CFAP52: variants seen among roughly 807,000 people sequenced by gnomAD.
CFAP52 encodes the protein cilia and flagella associated protein 52, also known as cilia- and flagella-associated protein 52.
A neutral mutation model predicts 70.5 loss-of-function variants in CFAP52; 57 were observed. The ratio of observed to expected loss-of-function variants is 0.81; its 90% confidence interval spans 0.65 to 1.01. The LOEUF is 1.01. CFAP52 is among the 50% of genes least tolerant of loss of function. The pLI is 0.00. For missense variants in CFAP52, 785 were observed against 788.5 expected (o/e 1.00, Z 0.05); for synonymous variants, 267 against 292.5 (o/e 0.91, Z 0.89).
At chr17:9,637,843 T>C (rs1377525154) in intron 11 of CFAP52, among the ~76,000 whole-genome samples, 1 of 152,238 alleles carries the variant, frequency 6.6e-6, no homozygotes, top group Non-Finnish European at 1.5e-5. Flanking sequence ...CCACAAGTGC[T>C]GGGATTGTAG....
chr17:9,611,852 A>G (rs1339580643), intron 7 of CFAP52, among the ~76,000 whole-genome samples: 1 of 152,216 alleles, frequency 6.6e-6, no homozygotes, highest in Non-Finnish European at 1.5e-5. Context: ...TCATTTAACT[A>G]TTCCATTACA....
intron 11 of CFAP52, 54 bp downstream of exon 11, chr17:9,635,610 C>A (rs994943151): frequency 5.0e-5 from 81 of 1,607,420 alleles, no homozygotes; most frequent in Non-Finnish European, 4.3e-5. Context: ...CCAATCATGC[C>A]AACAGTTTAT....
intron 8 of CFAP52, among the ~76,000 whole-genome samples, chr17:9,613,108 CCAT>C (rs1475277270): frequency 6.6e-6 from 1 of 151,822 alleles, no homozygotes; most frequent in Non-Finnish European, 1.5e-5. Flanking sequence ...GCATATAGCC[CCAT>C]CTTAAGACAC....
chr17:9,608,266 AC>A, intron 7 of CFAP52, 47 bp downstream of exon 7: 1 of 1,409,978 alleles, frequency 7.1e-7, no homozygotes, highest in Non-Finnish European at 9.5e-7. Context: ...GACCCACTAA[AC>A]GGAGATTTGC....
chr17:9,638,014 T>C (rs1252377311), intron 11 of CFAP52, among the ~76,000 whole-genome samples: 1 of 152,232 alleles, frequency 6.6e-6, no homozygotes, highest in African/African-American at 2.4e-5. Context: ...AGACAAGGGT[T>C]GAGCCTGCCA....
chr17:9,601,047 T>C (rs1430117990), intron 6 of CFAP52, among the ~76,000 whole-genome samples: 2 of 151,754 alleles, frequency 1.3e-5, no homozygotes, highest in Admixed American at 1.3e-4. Flanking sequence ...ATTAAGAAAA[T>C]GTGGCACATA....
At chr17:9,639,071 A>C (rs1374114342) in intron 12 of CFAP52, 1 of 211,810 alleles carries the variant, frequency 4.7e-6, no homozygotes. Context: ...ACTTTGACTA[A>C]ATTCAGACAG....
intron 7 of CFAP52, 83 bp downstream of exon 7, chr17:9,608,302 C>T (rs961689618): frequency 2.5e-5 from 28 of 1,129,276 alleles, no homozygotes; most frequent in African/African-American, 9.4e-5. Flanking sequence ...TCGATGATAT[C>T]GGCAAAGTGA....
At chr17:9,638,497 A>G (rs1597798074) in intron 11 of CFAP52, 112 bp from the exon 12 acceptor site, 3 of 895,018 alleles carry the variant, frequency 3.4e-6, no homozygotes, top group Admixed American at 4.2e-5. Context: ...GATGTTTGGC[A>G]TGGAGATAAA....
intron 5 of CFAP52, 129 bp downstream of exon 5, chr17:9,598,462 A>G (rs922697264): frequency 5.9e-6 from 4 of 677,764 alleles, no homozygotes; most frequent in African/African-American, 1.8e-5. Flanking sequence ...GGGGATGTTG[A>G]TTGAAGAAGC....
rs761568024 is a variant in CFAP52 at position 9,586,803 on chromosome 17, T to G, written c.376T>G (p.Leu126Val). Residue 126 changes from leucine to valine, a missense_variant, in exon 3 of 14, where the codon TTG becomes GTG. Physicochemically the swap from Leu to Val is conservative, Grantham distance 32. Transcript: ENST00000352665. ...ALAFSPNDLY[L>V]VSLGGPDDGS... ...GGCCTTTTCTCCAAATGATTTGTAC[T>G]TGGTATCACTAGGAGGCCCAGATGA... 1.2e-6 allele frequency: 2 copies of G among 1,612,670 alleles called. No homozygotes were observed. Among genetic ancestry groups the G allele is most frequent in the South Asian group, 1.1e-5 (1 of 90,620 alleles).
chr17:9,577,965 G>C (rs1277580306), intron 1 of CFAP52, among the ~76,000 whole-genome samples: 1 of 152,134 alleles, frequency 6.6e-6, no homozygotes. Flanking sequence ...GGTGGTAGGT[G>C]CCTGTAATCC....
At chr17:9,606,456 C>A (rs1226215011) in intron 6 of CFAP52, among the ~76,000 whole-genome samples, 2 of 152,140 alleles carry the variant, frequency 1.3e-5, no homozygotes, top group Admixed American at 6.6e-5. Context: ...ATGTGTCAGA[C>A]ATGGTGCAAA....
intron 7 of CFAP52, among the ~76,000 whole-genome samples, chr17:9,611,502 G>A (rs535646516): frequency 3.3e-5 from 5 of 151,846 alleles, no homozygotes; most frequent in African/African-American, 1.2e-4. Context: ...CTATAGGTGC[G>A]CACCACCACA....
At chr17:9,633,176 A>C in intron 10 of CFAP52, 143 bp downstream of exon 10, 1 of 990,124 alleles carries the variant, frequency 1.0e-6, no homozygotes, top group Non-Finnish European at 1.4e-6. Context: ...ATCTGAAAAT[A>C]TGTCATAAAT....
intron 7 of CFAP52, 49 bp downstream of exon 7, chr17:9,608,268 G>A (rs887659828): frequency 5.7e-6 from 8 of 1,410,020 alleles, no homozygotes; most frequent in Middle Eastern, 5.0e-4. Context: ...CCCACTAAAC[G>A]GAGATTTGCT....
chr17:9,629,810 G>A (rs1330451230), intron 9 of CFAP52, among the ~76,000 whole-genome samples: 3 of 151,882 alleles, frequency 2.0e-5, no homozygotes, highest in Non-Finnish European at 2.9e-5. Context: ...AGCTGGTCTT[G>A]AACTCCCGAC....
chr17:9,593,708 G>A (rs1163534149), intron 3 of CFAP52, among the ~76,000 whole-genome samples: 3 of 151,906 alleles, frequency 2.0e-5, no homozygotes, highest in Non-Finnish European at 2.9e-5. Context: ...CACCCGCCTC[G>A]GCCTCCCAAA....
Position 9,608,018 on chromosome 17 carries a change from A to G in CFAP52, c.754-101A>G, listed in dbSNP as rs1597782018. 6.2e-6 allele frequency: 5 copies of G among 812,472 alleles called. No homozygotes were observed. In the East Asian group the frequency reaches 1.4e-4, roughly 23 times the overall value. 50.3% of individuals were successfully genotyped at this position (812,472 alleles called of 1,614,324 possible). A position where few individuals can be genotyped will look rare whatever the true frequency, so the allele number is the denominator to read the frequency against. On this transcript the variant is annotated intron_variant, in intron 6 of 13. Transcript: ENST00000352665. Reference sequence around the variant, plus strand: ...TATTTAAAATTTTTTTTATTGCCATATGTTTTTGGGGAACAGGTGGTATTT... The same window carrying G: ...TATTTAAAATTTTTTTTATTGCCATGTGTTTTTGGGGAACAGGTGGTATTT...
Sources: allele counts gnomAD v4.1 joint callset (sites outside exome capture counted in the v4.1 genomes callset), GRCh38; gene constraint gnomAD v4.1.1; transcripts MANE v1.5; gene names NCBI Gene and HGNC (gene_info 2026-07-23, HGNC 2026-07-21).